LRRTM4: variants seen among roughly 807,000 people sequenced by gnomAD.
The protein encoded by LRRTM4 is leucine-rich repeat transmembrane neuronal protein 4.
In LRRTM4, 25 loss-of-function variants were observed where a neutral mutation model predicts 47.6. The observed-to-expected ratio is 0.53, with a 90% CI of 0.38 to 0.73. The LOEUF (loss-of-function observed/expected upper bound fraction) is 0.73. LRRTM4 is among the 30% of genes least tolerant of loss of function. The pLI is 0.00. For missense variants in LRRTM4, 638 were observed against 713.4 expected (o/e 0.89, Z 1.20); for synonymous variants, 311 against 269.5 (o/e 1.15, Z -1.51).
intron 3 of LRRTM4, among the ~76,000 whole-genome samples, chr2:76,931,191 T>C (rs938696419): frequency 2.0e-5 from 3 of 152,176 alleles, no homozygotes; most frequent in Admixed American, 6.6e-5. Flanking sequence ...TCAAAATTAA[T>C]GCTAATATGT....
At chr2:77,129,645 A>C (rs529748113) in intron 3 of LRRTM4, among the ~76,000 whole-genome samples, 8 of 152,326 alleles carry the variant, frequency 5.3e-5, no homozygotes, top group Non-Finnish European at 8.8e-5. Flanking sequence ...GAATGATGTA[A>C]ATGAGAAACA....
chr2:77,504,570 A>G (rs975357175), intron 3 of LRRTM4, among the ~76,000 whole-genome samples: 1 of 151,758 alleles, frequency 6.6e-6, no homozygotes, highest in African/African-American at 2.4e-5. Flanking sequence ...AAAAAAATCA[A>G]TAAATCTGTA....
chr2:77,505,037 T>C (rs1219190264), intron 3 of LRRTM4, among the ~76,000 whole-genome samples: 5 of 151,254 alleles, frequency 3.3e-5, no homozygotes, highest in Non-Finnish European at 7.4e-5. Context: ...AAAAGATAAA[T>C]TATTAAATAT....
At chr2:76,981,739 C>A (rs530754738) in intron 3 of LRRTM4, among the ~76,000 whole-genome samples, 1 of 151,938 alleles carries the variant, frequency 6.6e-6, no homozygotes, top group Non-Finnish European at 1.5e-5. Flanking sequence ...GTAATCTTCC[C>A]GCCTCAGCCT....
intron 3 of LRRTM4, among the ~76,000 whole-genome samples, chr2:76,821,297 A>C (rs1027911329): frequency 1.3e-5 from 2 of 151,708 alleles, no homozygotes; most frequent in African/African-American, 4.8e-5. Context: ...TTGAGAAAAA[A>C]ATCATAAAAA....
At chr2:77,319,391 G>GA (rs78366890) in intron 3 of LRRTM4, among the ~76,000 whole-genome samples, 1,341 of 133,638 alleles carry the variant, frequency 0.01, 17 homozygotes, top group African/African-American at 0.032. Flanking sequence ...CCACATCAAA[G>GA]AAAAAAAAAA....
chr2:77,012,411 A>G (rs1677908448), intron 3 of LRRTM4, among the ~76,000 whole-genome samples: 2 of 152,092 alleles, frequency 1.3e-5, no homozygotes, highest in South Asian at 4.1e-4. Flanking sequence ...ACAAGCGTGT[A>G]TTTGTAAACT....
At chr2:77,295,395 A>C (rs1232971256) in intron 3 of LRRTM4, among the ~76,000 whole-genome samples, 1 of 152,142 alleles carries the variant, frequency 6.6e-6, no homozygotes, top group Admixed American at 6.6e-5. Flanking sequence ...CATTACTTAA[A>C]GATATAGATA....
intron 3 of LRRTM4, among the ~76,000 whole-genome samples, chr2:77,324,493 A>G (rs895862885): frequency 6.6e-6 from 1 of 152,090 alleles, no homozygotes; most frequent in Non-Finnish European, 1.5e-5. Context: ...TCTTTCCCCT[A>G]AACGCTTTTC....
intron 3 of LRRTM4, among the ~76,000 whole-genome samples, chr2:77,128,149 A>G (rs980875732): frequency 1.3e-5 from 2 of 151,488 alleles, no homozygotes; most frequent in Non-Finnish European, 2.9e-5. Context: ...TCTCAAAAAA[A>G]AAAACAAAAC....
rs1047533174 is a variant in LRRTM4, at chr2:77,138,751, G to A, written c.1551+379567C>T. Among the ~76,000 whole-genome samples, 3 of 151,880 alleles carry A rather than the reference G, an allele frequency of 2.0e-5. No individual in the cohort carries two copies. The South Asian group carries it at 6.2e-4, about 31-fold the overall frequency. On this transcript the variant is annotated intron_variant, in intron 3 of 3. Coordinates refer to ENST00000409884, the MANE Select transcript of LRRTM4 (RefSeq NM_001134745.3). ...CAAGACTAATAAAGAAGAAAAGAGA[G>A]AAGAATCAAATAGACGCAATAAAAA...
chr2:77,240,576 G>A (rs989355005), intron 3 of LRRTM4, among the ~76,000 whole-genome samples: 6 of 151,748 alleles, frequency 4.0e-5, no homozygotes, highest in Non-Finnish European at 5.9e-5. Context: ...GTTCTTTCCA[G>A]CATAATAAGA....
chr2:76,786,321 C>T (rs1008558770), intron 3 of LRRTM4, among the ~76,000 whole-genome samples: 3 of 151,852 alleles, frequency 2.0e-5, no homozygotes, highest in African/African-American at 7.3e-5. Flanking sequence ...ATATTTATAA[C>T]AGATAGAACA....
At chr2:77,364,128 A>G (rs1334281331) in intron 3 of LRRTM4, among the ~76,000 whole-genome samples, 1 of 125,122 alleles carries the variant, frequency 8.0e-6, no homozygotes, top group Non-Finnish European at 1.8e-5. Context: ...ATGGATGACT[A>G]CAAAAAAAAA....
At chr2:77,028,296 C>G (rs1678524112) in intron 3 of LRRTM4, among the ~76,000 whole-genome samples, 1 of 152,094 alleles carries the variant, frequency 6.6e-6, no homozygotes, top group Non-Finnish European at 1.5e-5. Flanking sequence ...AGAAATAGAA[C>G]ATCAGAAGCC....
intron 3 of LRRTM4, among the ~76,000 whole-genome samples, chr2:77,241,976 A>G (rs1310954257): frequency 1.3e-5 from 2 of 152,084 alleles, no homozygotes; most frequent in African/African-American, 2.4e-5. Context: ...TGGGTTTTCT[A>G]TTCTCTTCTG....
At chr2:77,242,016 A>G (rs1203304738) in intron 3 of LRRTM4, among the ~76,000 whole-genome samples, 3 of 152,116 alleles carry the variant, frequency 2.0e-5, no homozygotes, top group Non-Finnish European at 4.4e-5. Flanking sequence ...TTATGCCATT[A>G]TCACACTGTT....
At chr2:76,947,331 A>T (rs1471722434) in intron 3 of LRRTM4, among the ~76,000 whole-genome samples, 1 of 151,876 alleles carries the variant, frequency 6.6e-6, no homozygotes, top group Non-Finnish European at 1.5e-5. Context: ...GAGAGTTAAA[A>T]GCTAGATTTG....
chr2:77,459,861 G>T (rs1280730397), intron 3 of LRRTM4, among the ~76,000 whole-genome samples: 1 of 151,516 alleles, frequency 6.6e-6, no homozygotes. Context: ...AATCATTTAC[G>T]CTGATGAAAT....
Sources: allele counts gnomAD v4.1 joint callset (sites outside exome capture counted in the v4.1 genomes callset), GRCh38; gene constraint gnomAD v4.1.1; transcripts MANE v1.5; gene names NCBI Gene and HGNC (gene_info 2026-07-23, HGNC 2026-07-21).